NRXN1: variants seen among roughly 807,000 people sequenced by gnomAD.
NRXN1 encodes the protein neurexin 1.
A neutral mutation model predicts 150.9 loss-of-function variants in NRXN1; 39 were observed. The ratio of observed to expected loss-of-function variants is 0.26; its 90% CI spans 0.20 to 0.34. The LOEUF (loss-of-function observed/expected upper bound fraction) is 0.34, where lower values mean the gene tolerates loss of function less well. Among genes scored for constraint, NRXN1 ranks in the 10% least tolerant of loss-of-function variants. NRXN1 has a pLI of 1.00. For synonymous variants in NRXN1, 924 were observed against 757.0 expected, an observed-to-expected ratio of 1.22 and a Z score of -3.62; for missense variants, 1,815 against 1,949.9, an observed-to-expected ratio of 0.93 and a Z score of 1.30.
intron 5 of NRXN1, among the ~76,000 whole-genome samples, chr2:50,667,649 T>C (rs1343827367): frequency 6.6e-6 from 1 of 151,996 alleles, no homozygotes; most frequent in East Asian, 1.9e-4. Flanking sequence ...CAGCTCAAAA[T>C]AGATCTCTAA....
intron 17 of NRXN1, among the ~76,000 whole-genome samples, chr2:50,374,430 A>G (rs2080338148): frequency 6.6e-6 from 1 of 152,078 alleles, no homozygotes; most frequent in Non-Finnish European, 1.5e-5. Flanking sequence ...TAATTAAATA[A>G]TAAAGCACCA....
chr2:50,028,799 C>G (rs1688760999), intron 21 of NRXN1, among the ~76,000 whole-genome samples: 1 of 152,162 alleles, frequency 6.6e-6, no homozygotes, highest in Non-Finnish European at 1.5e-5. Flanking sequence ...TCCCAGAAAC[C>G]TAGTTGCTTC....
chr2:50,982,709 GAAAATATA>G (rs1697025163), intron 2 of NRXN1, among the ~76,000 whole-genome samples: 1 of 152,120 alleles, frequency 6.6e-6, no homozygotes, highest in East Asian at 1.9e-4. Context: ...CAAAGATGTT[GAAAATATA>G]AAAATATAAA....
chr2:50,993,529 G>A (rs1007927315), intron 2 of NRXN1, among the ~76,000 whole-genome samples: 1 of 151,848 alleles, frequency 6.6e-6, no homozygotes, highest in Non-Finnish European at 1.5e-5. Flanking sequence ...TAATTAGGGT[G>A]TAATTCTCCA....
At chr2:50,493,979 C>T (rs191833573) in intron 15 of NRXN1, among the ~76,000 whole-genome samples, 343 of 152,274 alleles carry the variant, frequency 2.3e-3, no homozygotes, top group Middle Eastern at 6.8e-3. Context: ...AGTTATCCAT[C>T]ACTTAATGCT....
chr2:50,329,652 TA>T (rs2076680492), intron 17 of NRXN1, among the ~76,000 whole-genome samples: 1 of 18,742 alleles, frequency 5.3e-5, no homozygotes, highest in Non-Finnish European at 7.8e-5. Flanking sequence ...TATATATATA[TA>T]TATATATATA....
chr2:50,378,414 A>C (rs943146214), intron 17 of NRXN1, among the ~76,000 whole-genome samples: 3 of 152,166 alleles, frequency 2.0e-5, no homozygotes, highest in African/African-American at 7.2e-5. Context: ...GCCTAGCTTC[A>C]AATGTGCTCA....
chr2:50,524,698 A>G (rs1054663684), intron 12 of NRXN1, among the ~76,000 whole-genome samples: 2 of 152,094 alleles, frequency 1.3e-5, no homozygotes, highest in Admixed American at 6.6e-5. Context: ...TGATATGACA[A>G]TTAGGACTTA....
At chr2:49,930,334 A>C (rs1190513961) in intron 22 of NRXN1, among the ~76,000 whole-genome samples, 2 of 152,196 alleles carry the variant, frequency 1.3e-5, no homozygotes, top group African/African-American at 4.8e-5. Context: ...GGAGGGAAAT[A>C]TCTGTAGTAC....
intron 18 of NRXN1, among the ~76,000 whole-genome samples, chr2:50,167,170 G>A (rs898789105): frequency 1.3e-5 from 2 of 152,078 alleles, no homozygotes; most frequent in Non-Finnish European, 2.9e-5. Context: ...ACACTGATGA[G>A]GAACTAAAAG....
At chr2:50,459,267 G>T (rs549737873) in intron 17 of NRXN1, among the ~76,000 whole-genome samples, 26 of 152,138 alleles carry the variant, frequency 1.7e-4, no homozygotes, top group African/African-American at 6.3e-4. Flanking sequence ...TTAACCGTTT[G>T]CTCTCTTCAA....
chr2:50,423,121 G>C (rs1020158841), intron 17 of NRXN1, among the ~76,000 whole-genome samples: 2 of 152,026 alleles, frequency 1.3e-5, no homozygotes, highest in African/African-American at 2.4e-5. Flanking sequence ...TCATTCCCTG[G>C]TGAAACATAT....
Position 50,372,609 on chromosome 2 carries a change from C to T in NRXN1, c.3364+92833G>A, listed in dbSNP as rs883084. ...TATAAAATGAGTACAGCAAAGATGACTTAGAGTATAAAGTTTTTCTATTTC... is the reference window on the plus strand; with the variant it reads ...TATAAAATGAGTACAGCAAAGATGATTTAGAGTATAAAGTTTTTCTATTTC... On this transcript the variant is annotated intron_variant, in intron 17 of 22. Coordinates refer to ENST00000401669, the MANE Select transcript of NRXN1 (RefSeq NM_001330078.2). Among the ~76,000 whole-genome samples, 369 of 152,176 alleles carry T rather than the reference C, an allele frequency of 2.4e-3. 1 individual carries two copies. Among genetic ancestry groups the T allele is most frequent in the African/African-American group, 8.3e-3 (343 of 41,544 alleles).
intron 19 of NRXN1, among the ~76,000 whole-genome samples, chr2:50,057,642 A>G (rs769358488): frequency 2.6e-5 from 4 of 152,236 alleles, no homozygotes; most frequent in Non-Finnish European, 5.9e-5. Context: ...TCTATCACAT[A>G]CAATCCTATT....
chr2:50,868,981 C>G (rs141915422), intron 5 of NRXN1, among the ~76,000 whole-genome samples: 272 of 151,862 alleles, frequency 1.8e-3, no homozygotes, highest in African/African-American at 6.3e-3. Context: ...TAAGGCAAAA[C>G]AATGTAATAC....
chr2:50,843,519 C>T (rs1433310075), intron 5 of NRXN1, among the ~76,000 whole-genome samples: 1 of 152,170 alleles, frequency 6.6e-6, no homozygotes, highest in East Asian at 1.9e-4. Flanking sequence ...ACCTAAAATA[C>T]ACCTTTGCCT....
intron 5 of NRXN1, among the ~76,000 whole-genome samples, chr2:50,815,791 T>A (rs1421727480): frequency 6.6e-6 from 1 of 152,218 alleles, no homozygotes; most frequent in African/African-American, 2.4e-5. Context: ...CTATTTTATC[T>A]ATAGAATTAA....
intron 21 of NRXN1, among the ~76,000 whole-genome samples, chr2:50,008,711 C>T (rs375239301): frequency 3.9e-5 from 6 of 151,940 alleles, no homozygotes; most frequent in Non-Finnish European, 7.4e-5. Flanking sequence ...AAGTGCAGAT[C>T]GAGTTTTTAA....
At chr2:50,629,296 A>G (rs1681795571) in intron 5 of NRXN1, among the ~76,000 whole-genome samples, 1 of 151,676 alleles carries the variant, frequency 6.6e-6, no homozygotes, top group African/African-American at 2.4e-5. Context: ...TGAATCTATG[A>G]GCTGCAACTG....
Sources: gnomAD v4.1 joint callset for allele counts (sites outside exome capture counted in the v4.1 genomes callset) on GRCh38, gnomAD v4.1.1 for gene constraint, MANE v1.5 for transcripts, NCBI Gene and HGNC (gene_info 2026-07-23, HGNC 2026-07-21) for gene names.